The following EPB41L3 variants were observed in gnomAD, a reference collection of about 807,000 sequenced individuals.
EPB41L3 encodes band 4.1-like protein 3.
EPB41L3 carries 57 observed loss-of-function variants against 127.1 expected under a neutral mutation model. That is an observed-to-expected ratio of 0.45 (90% CI 0.36 to 0.56). The LOEUF (loss-of-function observed/expected upper bound fraction) is 0.56. Ranked by LOEUF, EPB41L3 falls within the 20% of genes least tolerant of loss-of-function variation. The pLI is 0.00. For missense variants in EPB41L3, 1,273 were observed against 1,372.2 expected (o/e 0.93, Z 1.14); for synonymous variants, 572 against 549.5 (o/e 1.04, Z -0.57).
intron 1 of EPB41L3, among the ~76,000 whole-genome samples, chr18:5,525,271 A>T (rs2093176095): frequency 6.6e-6 from 1 of 152,164 alleles, no homozygotes; most frequent in African/African-American, 2.4e-5. Context: ...AGCAACCAGG[A>T]GTTATCCAAG....
intron 1 of EPB41L3, among the ~76,000 whole-genome samples, chr18:5,533,287 T>C (rs2093469704): frequency 6.6e-6 from 1 of 152,178 alleles, no homozygotes; most frequent in South Asian, 2.1e-4. Flanking sequence ...AAGACTGAAG[T>C]TCCTTCTTGA....
At chr18:5,616,841 G>A (rs1170096940) in intron 1 of EPB41L3, among the ~76,000 whole-genome samples, 1 of 152,098 alleles carries the variant, frequency 6.6e-6, no homozygotes. Context: ...TGGTTGTATG[G>A]TATCTCATTT....
At chr18:5,601,274 G>T (rs1272328737) in intron 3 of EPB41L3, among the ~76,000 whole-genome samples, 1 of 152,096 alleles carries the variant, frequency 6.6e-6, no homozygotes, top group African/African-American at 2.4e-5. Context: ...AGGCTTCAGA[G>T]ATAACACCAT....
chr18:5,523,807 G>A (rs1225460568), intron 1 of EPB41L3, among the ~76,000 whole-genome samples: 1 of 151,512 alleles, frequency 6.6e-6, no homozygotes, highest in Non-Finnish European at 1.5e-5. Flanking sequence ...AACACCTACT[G>A]GTATACACTT....
upstream of EPB41L3, among the ~76,000 whole-genome samples, chr18:5,545,131 C>G (rs1049411821): frequency 6.6e-6 from 1 of 152,126 alleles, no homozygotes; most frequent in African/African-American, 2.4e-5. Context: ...ACTCATTTAG[C>G]AAAATCCTGA....
chr18:5,441,393 T>C (rs2080703635), intron 5 of EPB41L3, among the ~76,000 whole-genome samples: 1 of 152,126 alleles, frequency 6.6e-6, no homozygotes, highest in African/African-American at 2.4e-5. Flanking sequence ...GAATGTAAAA[T>C]TTTGTGGCAA....
chr18:5,437,960 G>C, intron 6 of EPB41L3, 75 bp downstream of exon 6: 1 of 1,081,632 alleles, frequency 9.2e-7, no homozygotes, highest in Non-Finnish European at 1.3e-6. Flanking sequence ...ATGTAAGCAC[G>C]CTCTTTCCGG....
At chr18:5,624,524 T>G (rs991564535) in intron 1 of EPB41L3, among the ~76,000 whole-genome samples, 5 of 152,222 alleles carry the variant, frequency 3.3e-5, no homozygotes, top group African/African-American at 1.2e-4. Flanking sequence ...TAGGCCAATG[T>G]GGGTAGAGGG....
chr18:5,417,751 C>T (rs891452853), intron 12 of EPB41L3, among the ~76,000 whole-genome samples: 9 of 152,174 alleles, frequency 5.9e-5, no homozygotes, highest in Non-Finnish European at 1.2e-4. Context: ...TCTCTTTTTA[C>T]GATGAGAGAA....
chr18:5,410,592 C>T lies in EPB41L3; in HGVS notation c.2095G>A (p.Ala699Thr). The T allele has an allele frequency of 6.2e-7, 1 of 1,613,758 alleles. No individual in the cohort carries two copies. Among genetic ancestry groups the T allele is most frequent in the Non-Finnish European group, 8.5e-7 (1 of 1,179,766 alleles). Residue 699 changes from alanine to threonine, a missense_variant, in exon 14 of 23, where the codon GCC becomes ACC. Ala to Thr is a moderately conservative substitution (Grantham distance 58). Coordinates refer to ENST00000341928, the MANE Select transcript of EPB41L3 (RefSeq NM_012307.5). ...TCAGTGGCAGTGGTCTCCCCGTCGG[C>T]TGCGGTGTCCGTGCGCTCACTGTCA... ...ETDSERTDTA[A>T]DGETTATESD...
Position 5,393,235 on chromosome 18 carries a change from T to A in EPB41L3, c.*250A>T. The stretch of plus-strand genomic sequence containing the variant: ...TGAGACATTTTGTGAAAATTAAAAA[T>A]GCTGCTCTTTTGTAATTTTATCGTT... On this transcript the variant is annotated 3_prime_UTR_variant, in exon 23 of 23. Transcript: ENST00000341928. 4.8e-6 allele frequency: 2 copies of A among 419,658 alleles called. No homozygotes were observed. Among genetic ancestry groups the A allele is most frequent in the Non-Finnish European group, 8.4e-6 (2 of 237,204 alleles). 26.0% of individuals were successfully genotyped at this position (419,658 alleles called of 1,614,324 possible). A position where few individuals can be genotyped will look rare whatever the true frequency, so the allele number is the denominator to read the frequency against.
chr18:5,574,380 G>GTTT (rs5822863), intron 3 of EPB41L3, among the ~76,000 whole-genome samples: 14 of 142,488 alleles, frequency 9.8e-5, no homozygotes, highest in Middle Eastern at 3.6e-3. Flanking sequence ...GCTAGAATCA[G>GTTT]TTTTTTTTTT....
At chr18:5,445,017 G>A in intron 4 of EPB41L3, 123 bp downstream of exon 4, 4 of 673,240 alleles carry the variant, frequency 5.9e-6, no homozygotes, top group East Asian at 5.3e-5. Context: ...CAGACTCAAA[G>A]TAGAAAGTGT....
At chr18:5,534,651 A>G (rs1026231799) in intron 1 of EPB41L3, among the ~76,000 whole-genome samples, 1 of 152,120 alleles carries the variant, frequency 6.6e-6, no homozygotes, top group African/African-American at 2.4e-5. Context: ...AAAATTCTAC[A>G]CTCATCCTGA....
At chr18:5,520,208 T>C (rs766448139) in intron 1 of EPB41L3, among the ~76,000 whole-genome samples, 36 of 152,184 alleles carry the variant, frequency 2.4e-4, no homozygotes, top group Non-Finnish European at 4.4e-4. Context: ...GCTGTATAAG[T>C]TGGACATGTT....
chr18:5,556,372 G>A (rs2094035899), intron 3 of EPB41L3, among the ~76,000 whole-genome samples: 1 of 152,212 alleles, frequency 6.6e-6, no homozygotes, highest in African/African-American at 2.4e-5. Context: ...GCTACTCTGG[G>A]TAGGGGACTA....
chr18:5,566,778 T>TATTCC (rs1411005820), intron 3 of EPB41L3, among the ~76,000 whole-genome samples: 1 of 121,656 alleles, frequency 8.2e-6, no homozygotes, highest in South Asian at 2.5e-4. Context: ...TATTCTATTC[T>TATTCC]ATTCTATTCT....
intron 1 of EPB41L3, among the ~76,000 whole-genome samples, chr18:5,521,818 A>T (rs2093002970): frequency 6.6e-6 from 1 of 152,218 alleles, no homozygotes; most frequent in Non-Finnish European, 1.5e-5. Context: ...AGTGCCTGGC[A>T]TATAATAGGT....
chr18:5,410,564 A>G lies in EPB41L3; in HGVS notation c.2121+2T>C, dbSNP rs1331828606. 3 of 1,613,192 alleles carry G rather than the reference A, an allele frequency of 1.9e-6. No homozygotes were observed. Among genetic ancestry groups the G allele is most frequent in the Non-Finnish European group, 1.7e-6 (2 of 1,179,280 alleles). ...CCAGCCACTCTCAGCCAAAATACCAACCTCAGTGGCAGTGGTCTCCCCGTC... is the reference window on the plus strand; with the variant it reads ...CCAGCCACTCTCAGCCAAAATACCAGCCTCAGTGGCAGTGGTCTCCCCGTC... On this transcript the variant is annotated splice_donor_variant, in intron 14 of 22. Coordinates refer to ENST00000341928, the MANE Select transcript of EPB41L3 (RefSeq NM_012307.5). LOFTEE classifies it high-confidence loss of function.
Sources: gnomAD v4.1 joint callset for allele counts (sites outside exome capture counted in the v4.1 genomes callset) on GRCh38, gnomAD v4.1.1 for gene constraint, MANE v1.5 for transcripts, NCBI Gene and HGNC (gene_info 2026-07-23, HGNC 2026-07-21) for gene names.